The following PTPRD variants were observed in gnomAD, a reference collection of about 807,000 sequenced individuals.
The protein encoded by PTPRD is receptor-type tyrosine-protein phosphatase delta.
In PTPRD, 34 loss-of-function variants were observed where a neutral mutation model predicts 214.5. That is an observed-to-expected ratio of 0.16 (90% CI 0.12 to 0.21). The LOEUF (loss-of-function observed/expected upper bound fraction) is 0.21, where lower values mean the gene tolerates loss of function less well. Ranked by LOEUF, PTPRD falls within the 10% of genes least tolerant of loss-of-function variation. The probability of loss-of-function intolerance (pLI) is 1.00; values close to 1 mark genes in which losing one functional copy is unlikely to be tolerated. For missense variants in PTPRD, 2,545 were observed against 2,398.7 expected (o/e 1.06, Z -1.27); for synonymous variants, 1,128 against 845.7 (o/e 1.33, Z -5.79).
intron 11 of PTPRD, among the ~76,000 whole-genome samples, chr9:8,801,717 T>G (rs1453984020): frequency 6.6e-6 from 1 of 152,026 alleles, no homozygotes; most frequent in Admixed American, 6.6e-5. Flanking sequence ...CTGTCTCAAT[T>G]TAAAAAATGA....
chr9:8,692,301 C>T (rs750905667), intron 12 of PTPRD, among the ~76,000 whole-genome samples: 12 of 152,272 alleles, frequency 7.9e-5, no homozygotes, highest in African/African-American at 1.9e-4. Flanking sequence ...GTGAATTGTA[C>T]GGAGGCTTTG....
intron 11 of PTPRD, among the ~76,000 whole-genome samples, chr9:8,932,849 T>G (rs899773094): frequency 8.6e-5 from 13 of 152,038 alleles, no homozygotes; most frequent in Admixed American, 4.6e-4. Context: ...CTTGGCTCCC[T>G]GGCTTCCGTC....
Position 9,140,703 on chromosome 9 carries a change from T to C in PTPRD, c.-143+42601A>G, listed in dbSNP as rs1012435060. On this transcript the variant is annotated intron_variant, in intron 10 of 45. Transcript: ENST00000381196. The stretch of plus-strand genomic sequence containing the variant: ...ACGCCATTCTCCTGCCTCAGCCTCC[T>C]AAGTAGCTGGGACTACAGGTGCCCG... Among the ~76,000 whole-genome samples the C allele has an allele frequency of 1.4e-4, 22 of 152,142 alleles. No homozygotes were observed. The East Asian group carries it at 2.7e-3, about 19-fold the overall frequency.
At chr9:8,393,930 A>G (rs1270581540) in intron 36 of PTPRD, among the ~76,000 whole-genome samples, 1 of 152,094 alleles carries the variant, frequency 6.6e-6, no homozygotes, top group Non-Finnish European at 1.5e-5. Flanking sequence ...GGCTAACTAA[A>G]CCTGGCTGTT....
intron 7 of PTPRD, among the ~76,000 whole-genome samples, chr9:9,705,160 A>G (rs540435349): frequency 6.6e-6 from 1 of 152,220 alleles, no homozygotes; most frequent in Non-Finnish European, 1.5e-5. Context: ...TTGCTCAAAT[A>G]CAATTCAGTA....
chr9:10,274,793 T>G (rs1298259569), intron 3 of PTPRD, among the ~76,000 whole-genome samples: 1 of 152,176 alleles, frequency 6.6e-6, no homozygotes, highest in Non-Finnish European at 1.5e-5. Flanking sequence ...GTAACTCCAT[T>G]TATTTTCTGA....
At chr9:10,274,982 T>C (rs975422229) in intron 3 of PTPRD, among the ~76,000 whole-genome samples, 1 of 152,166 alleles carries the variant, frequency 6.6e-6, no homozygotes, top group African/African-American at 2.4e-5. Flanking sequence ...ATATATCATG[T>C]AACTAGGTAT....
chr9:8,817,160 C>T (rs1424858328), intron 11 of PTPRD, among the ~76,000 whole-genome samples: 2 of 152,198 alleles, frequency 1.3e-5, no homozygotes, highest in East Asian at 3.9e-4. Flanking sequence ...ACTAGGGCAA[C>T]TCCATTTCTA....
intron 11 of PTPRD, among the ~76,000 whole-genome samples, chr9:9,002,414 A>G (rs918376916): frequency 6.6e-6 from 1 of 152,192 alleles, no homozygotes; most frequent in Admixed American, 6.6e-5. Context: ...ATCAAAATTC[A>G]ACAGACGGAT....
chr9:9,610,599 T>C (rs1480901408), intron 7 of PTPRD, among the ~76,000 whole-genome samples: 2 of 152,194 alleles, frequency 1.3e-5, no homozygotes, highest in Non-Finnish European at 2.9e-5. Flanking sequence ...ATTTTACAAA[T>C]ATTGTCTAAA....
chr9:9,469,160 T>A (rs2146371072), intron 8 of PTPRD, among the ~76,000 whole-genome samples: 1 of 152,234 alleles, frequency 6.6e-6, no homozygotes, highest in Non-Finnish European at 1.5e-5. Context: ...CTCATTAACA[T>A]CCTAAAATAT....
intron 2 of PTPRD, among the ~76,000 whole-genome samples, chr9:10,410,251 G>GTATATATATATATATATATATA (rs1445817310): frequency 3.2e-5 from 1 of 31,556 alleles, no homozygotes; most frequent in East Asian, 1.1e-3. Flanking sequence ...GACATATTTT[G>GTATATATATATATATATATATA]TGTATATATA....
chr9:8,803,962 ACC>A (rs775452532), intron 11 of PTPRD, among the ~76,000 whole-genome samples: 4 of 150,166 alleles, frequency 2.7e-5, no homozygotes, highest in African/African-American at 9.8e-5. Context: ...TCTTCCCTCC[ACC>A]CCCCCACAGA....
At chr9:9,788,640 A>C (rs988866359) in intron 5 of PTPRD, among the ~76,000 whole-genome samples, 2 of 152,064 alleles carry the variant, frequency 1.3e-5, no homozygotes, top group Non-Finnish European at 2.9e-5. Flanking sequence ...CCGTAGACAC[A>C]GTATATAATA....
At chr9:9,203,480 T>G (rs942096828) in intron 9 of PTPRD, among the ~76,000 whole-genome samples, 2 of 152,160 alleles carry the variant, frequency 1.3e-5, no homozygotes, top group Admixed American at 6.5e-5. Context: ...ATTAGAAAAT[T>G]TAAAATCACT....
chr9:9,642,197 T>C (rs1009397234), intron 7 of PTPRD, among the ~76,000 whole-genome samples: 12 of 137,444 alleles, frequency 8.7e-5, no homozygotes, highest in African/African-American at 3.3e-4. Flanking sequence ...TTCTCACTCA[T>C]AGGTGGGAAT....
At chr9:9,573,158 C>T (rs2087087397) in intron 8 of PTPRD, among the ~76,000 whole-genome samples, 1 of 151,614 alleles carries the variant, frequency 6.6e-6, no homozygotes, top group African/African-American at 2.4e-5. Flanking sequence ...TTGAATACTA[C>T]ACAGCAATGA....
At chr9:9,607,866 G>A (rs1289730690) in intron 7 of PTPRD, among the ~76,000 whole-genome samples, 12 of 151,924 alleles carry the variant, frequency 7.9e-5, no homozygotes, top group Admixed American at 7.9e-4. Flanking sequence ...GGTGGGTAGT[G>A]ACTGACAAAA....
At chr9:9,025,052 C>T (rs1345185671) in intron 10 of PTPRD, among the ~76,000 whole-genome samples, 1 of 151,924 alleles carries the variant, frequency 6.6e-6, no homozygotes, top group Non-Finnish European at 1.5e-5. Flanking sequence ...GTTGTTTAGT[C>T]CCTTGTAAAT....
Sources: allele counts gnomAD v4.1 joint callset (sites outside exome capture counted in the v4.1 genomes callset), GRCh38; gene constraint gnomAD v4.1.1; transcripts MANE v1.5; gene names NCBI Gene and HGNC (gene_info 2026-07-23, HGNC 2026-07-21).